Variants in CSRNP3 observed in about 807,000 individuals in gnomAD.
CSRNP3 encodes the protein cysteine/serine-rich nuclear protein 3.
CSRNP3 carries 12 observed loss-of-function variants against 48.0 expected under a neutral mutation model. That is an observed-to-expected ratio of 0.25 (90% CI 0.16 to 0.41). The LOEUF (loss-of-function observed/expected upper bound fraction) is 0.41. Ranked by LOEUF, CSRNP3 falls within the 10% of genes least tolerant of loss-of-function variation. The pLI is 1.00. For synonymous variants in CSRNP3, 263 were observed against 269.7 expected (o/e 0.98, Z 0.24); for missense variants, 580 against 724.4 (o/e 0.80, Z 2.29).
intron 5 of CSRNP3, among the ~76,000 whole-genome samples, chr2:165,675,583 T>G (rs913266972): frequency 1.3e-5 from 2 of 152,194 alleles, no homozygotes; most frequent in East Asian, 3.9e-4. Context: ...CGTTTCCACA[T>G]GAGCTATTAT....
intron 4 of CSRNP3, among the ~76,000 whole-genome samples, chr2:165,621,532 T>G (rs1686340209): frequency 6.6e-6 from 1 of 152,068 alleles, no homozygotes. Flanking sequence ...AAAAAGTACG[T>G]GAAGTAGCAC....
chr2:165,498,539 A>G (rs1684311461), intron 2 of CSRNP3, among the ~76,000 whole-genome samples: 1 of 152,100 alleles, frequency 6.6e-6, no homozygotes, highest in African/African-American at 2.4e-5. Flanking sequence ...TTTACTGGCT[A>G]GGGACAGAGT....
chr2:165,588,242 A>G (rs903480292), intron 3 of CSRNP3, among the ~76,000 whole-genome samples: 1 of 152,222 alleles, frequency 6.6e-6, no homozygotes, highest in African/African-American at 2.4e-5. Flanking sequence ...TGAAATATCA[A>G]TGACAAGGCC....
In CSRNP3 at chr2:165,559,073, T is replaced by TGAGA. The variant is rs144620618; in HGVS notation, c.-23-35953_-23-35950dup. 7.4e-5 allele frequency among the ~76,000 whole-genome samples: 11 copies of TGAGA among 149,268 alleles called. No homozygotes were observed. The East Asian group carries it at 1.4e-3, about 19-fold the overall frequency. On this transcript the variant is annotated intron_variant, in intron 3 of 6. Coordinates refer to ENST00000651982, the MANE Select transcript of CSRNP3 (RefSeq NM_001172173.2). ...AGTAAGGTGATGTGTCAGAGACTAC[T>TGAGA]GAGAGAGAGAGAGAGAGAGACAGAA...
intron 2 of CSRNP3, among the ~76,000 whole-genome samples, chr2:165,504,010 TATG>T (rs1046437993): frequency 1.3e-5 from 2 of 152,008 alleles, no homozygotes; most frequent in Non-Finnish European, 2.9e-5. Flanking sequence ...GACCTATTAA[TATG>T]ATAAAATGAA....
At chr2:165,669,706 G>A (rs1573959365) in intron 5 of CSRNP3, among the ~76,000 whole-genome samples, 2 of 152,064 alleles carry the variant, frequency 1.3e-5, no homozygotes, top group Admixed American at 6.6e-5. Context: ...AGTTATAGTG[G>A]TTTTATTTGT....
At position 165,567,015 on chromosome 2, in the gene CSRNP3, A is replaced by G. The variant is rs1423308144; in HGVS notation, c.-23-28028A>G. On this transcript the variant is annotated intron_variant, in intron 3 of 6. Transcript: ENST00000651982. ...ATTTGTGGATTTGTATTGGTGAAAT[A>G]AAATATAGAAAACTCTTTTTCTTAT... 3.3e-5 allele frequency: 5 copies of G among 152,118 alleles called. No individual in the cohort carries two copies. In the East Asian group the frequency reaches 9.6e-4, roughly 29 times the overall value. 9.4% of individuals were successfully genotyped at this position (152,118 alleles called of 1,614,324 possible).
chr2:165,513,053 C>T (rs907588802), intron 2 of CSRNP3, among the ~76,000 whole-genome samples: 3 of 151,756 alleles, frequency 2.0e-5, no homozygotes, highest in African/African-American at 7.3e-5. Flanking sequence ...TGCAGTGAGC[C>T]GAGATCCCAC....
At chr2:165,672,573 A>T (rs940138703) in intron 5 of CSRNP3, among the ~76,000 whole-genome samples, 2 of 152,140 alleles carry the variant, frequency 1.3e-5, no homozygotes, top group African/African-American at 4.8e-5. Context: ...TGCGGGAATT[A>T]TGGGAGCTAC....
intron 3 of CSRNP3, among the ~76,000 whole-genome samples, chr2:165,552,879 A>T (rs1223134688): frequency 6.6e-6 from 1 of 151,852 alleles, no homozygotes; most frequent in Non-Finnish European, 1.5e-5. Context: ...ATTTTAGTAG[A>T]GACAGGGTTT....
chr2:165,481,192 G>A (rs955639437), intron 1 of CSRNP3, among the ~76,000 whole-genome samples: 2 of 152,182 alleles, frequency 1.3e-5, no homozygotes, highest in Non-Finnish European at 2.9e-5. Flanking sequence ...GAATGAGAAG[G>A]TTATATGCTC....
At chr2:165,623,382 G>T (rs1035049427) in intron 4 of CSRNP3, among the ~76,000 whole-genome samples, 1 of 152,176 alleles carries the variant, frequency 6.6e-6, no homozygotes, top group Non-Finnish European at 1.5e-5. Context: ...ATGGGATCTA[G>T]GTTGCGTGCT....
intron 3 of CSRNP3, among the ~76,000 whole-genome samples, chr2:165,584,668 A>T (rs1472553328): frequency 6.6e-6 from 1 of 152,192 alleles, no homozygotes; most frequent in Non-Finnish European, 1.5e-5. Flanking sequence ...TTATAGAATG[A>T]GTCAAAAGCC....
intron 4 of CSRNP3, among the ~76,000 whole-genome samples, chr2:165,622,021 T>C (rs1197790605): frequency 6.6e-6 from 1 of 152,170 alleles, no homozygotes; most frequent in Non-Finnish European, 1.5e-5. Context: ...TTTGAGCTGG[T>C]CTCTTTATTC....
intron 3 of CSRNP3, among the ~76,000 whole-genome samples, chr2:165,585,433 G>A (rs140874433): frequency 1.3e-4 from 20 of 152,220 alleles, no homozygotes. Context: ...TGTTTACAAT[G>A]TCTCTCATGT....
At chr2:165,493,610 C>T (rs991438959) in intron 1 of CSRNP3, among the ~76,000 whole-genome samples, 2 of 151,950 alleles carry the variant, frequency 1.3e-5, no homozygotes, top group African/African-American at 4.8e-5. Flanking sequence ...GAGCATTGGC[C>T]GGAGTTAGAG....
intron 3 of CSRNP3, among the ~76,000 whole-genome samples, chr2:165,534,378 A>T (rs995156427): frequency 1.3e-5 from 2 of 152,030 alleles, no homozygotes; most frequent in Admixed American, 1.3e-4. Context: ...AGTTTAAAAA[A>T]ACTGAAAAGT....
intron 1 of CSRNP3, among the ~76,000 whole-genome samples, chr2:165,481,826 G>A (rs186855086): frequency 6.6e-6 from 1 of 152,204 alleles, no homozygotes. Context: ...AACTAACACA[G>A]GGACAGAAAA....
chr2:165,486,588 C>G (rs1345194883), intron 1 of CSRNP3, among the ~76,000 whole-genome samples: 1 of 92,474 alleles, frequency 1.1e-5, no homozygotes, highest in Non-Finnish European at 2.2e-5. Context: ...CAGCACGCAG[C>G]TGGAGATCTG....
Sources: gnomAD v4.1 joint callset for allele counts (sites outside exome capture counted in the v4.1 genomes callset) on GRCh38, gnomAD v4.1.1 for gene constraint, MANE v1.5 for transcripts, NCBI Gene and HGNC (gene_info 2026-07-23, HGNC 2026-07-21) for gene names.